CCR6: variants seen among roughly 807,000 people sequenced by gnomAD.
CCR6 encodes C-C chemokine receptor type 6.
CCR6 carries 2 observed loss-of-function variants against 3.0 expected under a neutral mutation model. The observed-to-expected ratio is 0.66, with a 90% CI of 0.27 to 2.07. The LOEUF is 2.07. Ranked by LOEUF, CCR6 falls within the 30% of genes most tolerant of loss-of-function variation. The pLI is 0.14. For synonymous variants in CCR6, 193 were observed against 184.3 expected (o/e 1.05, Z -0.38); for missense variants, 322 against 462.8 (o/e 0.70, Z 2.79).
chr6:167,123,300 A>G (rs1781616573), intron 1 of CCR6, 77 bp downstream of exon 1: 1 of 152,714 alleles, frequency 6.5e-6, no homozygotes, highest in Non-Finnish European at 1.5e-5. Context: ...CAGGAATGGG[A>G]CTGTTTTACT....
chr6:167,117,502 C>T (rs1465146433), intron 1 of CCR6, among the ~76,000 whole-genome samples: 9 of 149,970 alleles, frequency 6.0e-5, no homozygotes, highest in African/African-American at 4.9e-5. Context: ...CTGCAAGCTC[C>T]GCCTCCCGGG....
At chr6:167,129,905 T>A (rs1781727173) in intron 1 of CCR6, among the ~76,000 whole-genome samples, 1 of 151,710 alleles carries the variant, frequency 6.6e-6, no homozygotes, top group South Asian at 2.1e-4. Flanking sequence ...GCCTCTTAAC[T>A]GCAAAACCGA....
At chr6:167,120,095 T>C (rs1781563290), upstream of CCR6, among the ~76,000 whole-genome samples, 1 of 152,208 alleles carries the variant, frequency 6.6e-6, no homozygotes, top group Non-Finnish European at 1.5e-5. Flanking sequence ...TCATGGTGGC[T>C]TTAACAGTGA....
At chr6:167,130,728 G>A (rs1349007337) in intron 1 of CCR6, among the ~76,000 whole-genome samples, 3 of 151,764 alleles carry the variant, frequency 2.0e-5, no homozygotes, top group East Asian at 3.8e-4. Context: ...TACCTAACAC[G>A]TGCAAAACAC....
chr6:167,127,163 T>G (rs914908847), intron 1 of CCR6: 1 of 152,304 alleles, frequency 6.6e-6, no homozygotes, highest in Non-Finnish European at 1.5e-5. Flanking sequence ...TTTAAAGAGA[T>G]GAGGTCTTGC....
chr6:167,131,878 G>A (rs1183356058), intron 1 of CCR6, among the ~76,000 whole-genome samples: 1 of 152,112 alleles, frequency 6.6e-6, no homozygotes, highest in Non-Finnish European at 1.5e-5. Context: ...CGATTGAAGG[G>A]TACAATTCAA....
chr6:167,118,140 T>C (rs1371369368), upstream of CCR6, among the ~76,000 whole-genome samples: 1 of 152,148 alleles, frequency 6.6e-6, no homozygotes, highest in Non-Finnish European at 1.5e-5. Context: ...CCTGCATCTC[T>C]TGCTAAGCCC....
chr6:167,121,445 A>T (rs1003475587), upstream of CCR6: 1 of 152,242 alleles, frequency 6.6e-6, no homozygotes, highest in South Asian at 2.1e-4. Flanking sequence ...ATCCAAGGGC[A>T]GTGTTAGAGG....
At position 167,137,232 on chromosome 6, in the gene CCR6, G is replaced by A; in HGVS notation, c.1002G>A (p.Leu334=). Residue 334 remains leucine (L), a synonymous_variant, in exon 3 of 3, where the codon CTG becomes CTA. Transcript: ENST00000341935. This position sits in a 1 kb window ranked among gnomAD's most constrained non-coding sequence, Gnocchi z 4.6. ...ACTTTCTGAAGATCTTGAAGGACCTGTGGTGTGTGAGAAGGAAGTACAAGT... is the reference window on the plus strand; with the variant it reads ...ACTTTCTGAAGATCTTGAAGGACCTATGGTGTGTGAGAAGGAAGTACAAGT... The part of the protein sequence containing the change: ...RNYFLKILKD[L]WCVRRKYKSS... 2 of 1,614,204 alleles carry A rather than the reference G, an allele frequency of 1.2e-6. No homozygotes were observed. Among genetic ancestry groups the A allele is most frequent in the South Asian group, 1.1e-5 (1 of 91,082 alleles).
chr6:167,112,402 A>G (rs1403131615), intron 1 of CCR6, among the ~76,000 whole-genome samples: 1 of 152,236 alleles, frequency 6.6e-6, no homozygotes, highest in Non-Finnish European at 1.5e-5. Flanking sequence ...TCACAAAGAC[A>G]TTCCATACCA....
At chr6:167,125,526 G>C (rs1781657853) in intron 1 of CCR6, among the ~76,000 whole-genome samples, 1 of 152,150 alleles carries the variant, frequency 6.6e-6, no homozygotes, top group Non-Finnish European at 1.5e-5. Flanking sequence ...CCTCTTCTGG[G>C]GCCATTTGCC....
intron 1 of CCR6, among the ~76,000 whole-genome samples, chr6:167,131,953 C>A (rs548336794): frequency 6.6e-6 from 1 of 152,316 alleles, no homozygotes; most frequent in Non-Finnish European, 1.5e-5. Flanking sequence ...ACATTTCTGC[C>A]ACCACAAAAG....
upstream of CCR6, chr6:167,122,934 T>C (rs1781610473): frequency 6.6e-6 from 1 of 152,418 alleles, no homozygotes; most frequent in Admixed American, 6.5e-5. The surrounding 1 kb of genome is among the most constrained non-coding windows in gnomAD (Gnocchi z 4.2). Context: ...CTTTTTCTTA[T>C]CACTTTACCA....
intron 1 of CCR6, among the ~76,000 whole-genome samples, chr6:167,125,621 T>A (rs550056290): frequency 1.8e-4 from 28 of 152,306 alleles, no homozygotes; most frequent in African/African-American, 6.5e-4. Flanking sequence ...CGGGGGGAGA[T>A]GAGTGTGGCT....
upstream of CCR6, among the ~76,000 whole-genome samples, chr6:167,118,902 C>G (rs944942998): frequency 1.1e-4 from 17 of 152,198 alleles, no homozygotes; most frequent in African/African-American, 4.1e-4. Flanking sequence ...GCTCCCTTCT[C>G]TACTCTGTGA....
intron 1 of CCR6, chr6:167,115,459 C>A (rs1781478913): frequency 6.6e-6 from 1 of 152,186 alleles, no homozygotes; most frequent in African/African-American, 2.4e-5. Flanking sequence ...CTTGTTGGTT[C>A]AACAATACCT....
At chr6:167,124,300 A>G (rs1425187545) in intron 1 of CCR6, among the ~76,000 whole-genome samples, 3 of 151,650 alleles carry the variant, frequency 2.0e-5, no homozygotes, top group Non-Finnish European at 4.4e-5. Context: ...GAAGCTTAAT[A>G]AACAAATCAC....
intron 1 of CCR6, chr6:167,115,792 TA>T (rs1254110095): frequency 6.6e-6 from 1 of 152,250 alleles, no homozygotes; most frequent in Non-Finnish European, 1.5e-5. Context: ...AATTTTTTAA[TA>T]ATTACATTTC....
At chr6:167,127,372 T>C (rs1248359729) in intron 1 of CCR6, 3 of 152,202 alleles carry the variant, frequency 2.0e-5, no homozygotes, top group East Asian at 3.8e-4. Context: ...CAAGCTCTAA[T>C]AGGAATAAAC....
Sources: allele counts gnomAD v4.1 joint callset (sites outside exome capture counted in the v4.1 genomes callset), GRCh38; gene constraint gnomAD v4.1.1; non-coding constraint Gnocchi (gnomAD v3.1); transcripts MANE v1.5; gene names NCBI Gene and HGNC (gene_info 2026-07-23, HGNC 2026-07-21).